STXBP3: variants seen among roughly 807,000 people sequenced by gnomAD.
The protein encoded by STXBP3 is syntaxin binding protein 3.
Under a neutral mutation model 85.7 loss-of-function variants are expected in STXBP3, and 41 were observed. The ratio of observed to expected loss-of-function variants is 0.48; its 90% CI spans 0.37 to 0.62. The LOEUF is 0.62. STXBP3 is among the 20% of genes least tolerant of loss of function. The pLI is 0.00. For missense variants in STXBP3, 563 were observed against 703.1 expected (o/e 0.80, Z 2.25); for synonymous variants, 229 against 231.7 (o/e 0.99, Z 0.10).
At chr1:108,763,934 A>G (rs1557802782) in intron 6 of STXBP3, among the ~76,000 whole-genome samples, 1 of 152,064 alleles carries the variant, frequency 6.6e-6, no homozygotes, top group Non-Finnish European at 1.5e-5. Flanking sequence ...AGTTTGTTAT[A>G]GGTAAACTCA....
chr1:108,753,094 T>G lies in STXBP3; in HGVS notation c.131T>G (p.Leu44Arg). Residue 44 changes from leucine (L) to arginine (R), a missense_variant, in exon 3 of 19, where the codon CTT (leucine) becomes CGT (arginine). By Grantham distance (102) the Leu-to-Arg change is moderately radical. Coordinates refer to ENST00000370008, the MANE Select transcript of STXBP3 (RefSeq NM_007269.4). ...IMLLDEFTTKLLASCCKMTDL... is the reference protein window; with the variant it reads ...IMLLDEFTTKRLASCCKMTDL... The stretch of plus-strand genomic sequence containing the variant: ...CTTTTAGATGAATTTACCACTAAGC[T>G]TTTGGCATCGTGTTGCAAAATGACA... The G allele has an allele frequency of 6.3e-7, 1 of 1,587,014 alleles. No homozygotes were observed. Among genetic ancestry groups the G allele is most frequent in the South Asian group, 1.2e-5 (1 of 86,206 alleles).
At chr1:108,762,185 A>G (rs1351595568) in intron 6 of STXBP3, among the ~76,000 whole-genome samples, 2 of 152,226 alleles carry the variant, frequency 1.3e-5, no homozygotes, top group Non-Finnish European at 2.9e-5. Flanking sequence ...TGAAAAGATG[A>G]GCAAGATATA....
intron 11 of STXBP3, among the ~76,000 whole-genome samples, chr1:108,783,021 G>A (rs1397303325): frequency 6.6e-6 from 1 of 152,146 alleles, no homozygotes; most frequent in Non-Finnish European, 1.5e-5. Flanking sequence ...TTTTGCCTCA[G>A]CGGGATTACT....
At chr1:108,807,579 T>TG (rs1663366664) in intron 18 of STXBP3, 30 bp downstream of exon 18, 13 of 1,442,996 alleles carry the variant, frequency 9.0e-6, no homozygotes, top group East Asian at 2.5e-5. Context: ...CTTTTCTGTT[T>TG]TTTTTTTTTT....
chr1:108,808,677 C>A (rs1663392588), intron 18 of STXBP3, 106 bp from the exon 19 acceptor site: 1 of 846,716 alleles, frequency 1.2e-6, no homozygotes. Context: ...TGTTACATTA[C>A]CCCAGGCTAC....
chr1:108,782,154 T>C (rs764642551), intron 9 of STXBP3: 40 of 321,410 alleles, frequency 1.2e-4, no homozygotes, highest in Non-Finnish European at 2.2e-4. Context: ...GAATTTTTTT[T>C]ATAAAGTACA....
At chr1:108,751,330 A>G (rs1340413946) in intron 1 of STXBP3, among the ~76,000 whole-genome samples, 1 of 152,124 alleles carries the variant, frequency 6.6e-6, no homozygotes, top group Non-Finnish European at 1.5e-5. Flanking sequence ...TAAAAACCAA[A>G]TATTTTTTAT....
intron 11 of STXBP3, among the ~76,000 whole-genome samples, chr1:108,783,043 C>T (rs1250643549): frequency 1.3e-5 from 2 of 152,192 alleles, no homozygotes; most frequent in African/African-American, 2.4e-5. Flanking sequence ...GTGTGCACCA[C>T]CACACCTGAC....
chr1:108,770,475 A>G (rs1662365355), intron 6 of STXBP3, among the ~76,000 whole-genome samples: 1 of 108,304 alleles, frequency 9.2e-6, no homozygotes, highest in Non-Finnish European at 2.1e-5. Context: ...CTTGTTGACA[A>G]TTAATACAGC....
chr1:108,782,374 T>G, intron 9 of STXBP3, 48 bp from the exon 10 acceptor site: 1 of 1,358,638 alleles, frequency 7.4e-7, no homozygotes, highest in Non-Finnish European at 1.0e-6. Flanking sequence ...TCTTTTGATT[T>G]TGGAGGGAAA....
chr1:108,768,011 T>C (rs571817445), intron 6 of STXBP3, among the ~76,000 whole-genome samples: 6 of 152,116 alleles, frequency 3.9e-5, no homozygotes, highest in Non-Finnish European at 7.4e-5. Flanking sequence ...ACTGAGAAAA[T>C]TTTTTAGCTG....
chr1:108,749,318 A>C (rs775237425), intron 1 of STXBP3, among the ~76,000 whole-genome samples: 7 of 152,218 alleles, frequency 4.6e-5, no homozygotes, highest in African/African-American at 7.2e-5. Context: ...AACTTGAGAC[A>C]TGTAGCTGCT....
At chr1:108,760,161 T>C in intron 6 of STXBP3, 76 bp downstream of exon 6, 2 of 770,826 alleles carry the variant, frequency 2.6e-6, no homozygotes, top group Admixed American at 3.0e-5. Flanking sequence ...ATAAAGTATA[T>C]TCTGAAGATA....
At chr1:108,793,153 C>G (rs778728474) in intron 11 of STXBP3, among the ~76,000 whole-genome samples, 45 of 84,450 alleles carry the variant, frequency 5.3e-4, no homozygotes, top group Non-Finnish European at 9.2e-4. Context: ...AAGCTCTTAT[C>G]TCCATTTTTT....
chr1:108,750,975 C>T (rs1405549441), intron 1 of STXBP3, among the ~76,000 whole-genome samples: 3 of 152,212 alleles, frequency 2.0e-5, no homozygotes, highest in African/African-American at 7.2e-5. Flanking sequence ...GTGCTTCTAT[C>T]CACATGGAGT....
Position 108,807,449 on chromosome 1 carries a change from G to C in STXBP3, c.1584G>C (p.Gly528=). ...ATTATTTAGAAGACCGAAAAAATGG[G>C]TCAAAGCTGATTGTTTTTGTAATTG... The part of the protein sequence containing the change: ...RANYLEDRKN[G]SKLIVFVIGG... Residue 528 remains glycine, a synonymous_variant, in exon 18 of 19, where the codon GGG becomes GGC. Transcript: ENST00000370008. The C allele has an allele frequency of 6.2e-7, 1 of 1,613,384 alleles. No individual in the cohort carries two copies.
intron 11 of STXBP3, among the ~76,000 whole-genome samples, chr1:108,792,495 T>C (rs1407515250): frequency 1.3e-5 from 2 of 152,230 alleles, no homozygotes; most frequent in Non-Finnish European, 2.9e-5. Context: ...TGAACATTTA[T>C]TATTTCTTTG....
At chr1:108,786,645 G>C (rs72697155) in intron 11 of STXBP3, among the ~76,000 whole-genome samples, 1,626 of 152,292 alleles carry the variant, frequency 0.011, 16 homozygotes, top group Non-Finnish European at 0.019. Flanking sequence ...TGGTCAATTT[G>C]TCTATCCTTG....
chr1:108,772,298 A>G (rs1357320732), intron 6 of STXBP3, among the ~76,000 whole-genome samples: 4 of 75,800 alleles, frequency 5.3e-5, no homozygotes, highest in Admixed American at 4.9e-4. Context: ...TACATATGAT[A>G]TCTGTATCAT....
Sources: allele counts gnomAD v4.1 joint callset (sites outside exome capture counted in the v4.1 genomes callset), GRCh38; gene constraint gnomAD v4.1.1; transcripts MANE v1.5; gene names NCBI Gene and HGNC (gene_info 2026-07-23, HGNC 2026-07-21).